SLC6A17: variants seen among roughly 807,000 people sequenced by gnomAD.
The protein encoded by SLC6A17 is solute carrier family 6 member 17.
SLC6A17 carries 21 observed loss-of-function variants against 64.5 expected under a neutral mutation model. The ratio of observed to expected loss-of-function variants is 0.33; its 90% CI spans 0.23 to 0.47. SLC6A17 has a LOEUF of 0.47. Ranked by LOEUF, SLC6A17 falls within the 20% of genes least tolerant of loss-of-function variation. SLC6A17 has a pLI of 1.00. For missense variants in SLC6A17, 682 were observed against 963.2 expected (o/e 0.71, Z 3.86); for synonymous variants, 372 against 399.5 (o/e 0.93, Z 0.82).
At chr1:110,183,018 C>T (rs11584494) in intron 6 of SLC6A17, among the ~76,000 whole-genome samples, 43,920 of 152,018 alleles carry the variant, frequency 0.29, 7,743 homozygotes, top group Non-Finnish European at 0.37. Flanking sequence ...TCATACACCA[C>T]TGGTGGGAAT....
Position 110,167,315 on chromosome 1 carries a change from T to A in SLC6A17, c.286+100T>A. 5 of 1,431,814 alleles carry A rather than the reference T, an allele frequency of 3.5e-6. No individual in the cohort carries two copies. The South Asian group carries it at 7.2e-5, about 21-fold the overall frequency. 88.7% of individuals were successfully genotyped at this position (1,431,814 alleles called of 1,614,324 possible). ...TTTGCTGAGGCAGAACTGGAGCCCT[T>A]GTAGGTTGGAGCTCAGGATTCCAGA... On this transcript the variant is annotated intron_variant, in intron 2 of 11. Transcript: ENST00000331565.
rs191731064 is a variant in SLC6A17 at position 110,175,727 on chromosome 1, G to A, written c.753+767G>A. Among the ~76,000 whole-genome samples the A allele has an allele frequency of 2.8e-4, 43 of 152,326 alleles. No individual in the cohort carries two copies. The East Asian group carries it at 7.9e-3, about 28-fold the overall frequency. On this transcript the variant is annotated intron_variant, in intron 5 of 11. Coordinates refer to ENST00000331565, the MANE Select transcript of SLC6A17 (RefSeq NM_001010898.4). ...TCGGGTTCTTTTCCAGATTTGATGA[G>A]CAAGGAAGCTAAGCTCTAGAAAGGT...
chr1:110,197,426 A>C lies in SLC6A17; in HGVS notation c.1653-11A>C. 6.2e-7 allele frequency: 1 copy of C among 1,607,234 alleles called. No homozygotes were observed. Among genetic ancestry groups the C allele is most frequent in the Non-Finnish European group, 8.5e-7 (1 of 1,177,084 alleles). On this transcript the variant is annotated splice_polypyrimidine_tract_variant and intron_variant, in intron 10 of 11. Transcript: ENST00000331565. ...GATGCCAACTGCTGGACCCTCTGCT[A>C]TGCCTGGCAGGTTCATGCAGGAGCT...
intron 1 of SLC6A17, among the ~76,000 whole-genome samples, chr1:110,157,993 C>T (rs375380514): frequency 5.3e-5 from 8 of 152,288 alleles, no homozygotes; most frequent in African/African-American, 1.9e-4. Context: ...GCTCCATCCC[C>T]TCATACTCTA....
rs946145848 is a variant in SLC6A17, at chr1:110,195,134, G to A, written c.1492+363G>A. ...GTTCCATCTTTGTCACTCCAGTCCC[G>A]GGCTGTGTCCACAGTTCCCTTCGGG... On this transcript the variant is annotated intron_variant, in intron 9 of 11. Coordinates refer to ENST00000331565, the MANE Select transcript of SLC6A17 (RefSeq NM_001010898.4). 9.5e-6 allele frequency: 4 copies of A among 421,042 alleles called. No homozygotes were observed. In the Admixed American group the frequency reaches 1.1e-4, roughly 11 times the overall value. The allele number at this position is 421,042 out of a possible 1,614,324, so 26.1% of individuals were successfully genotyped here.
Position 110,197,480 on chromosome 1 carries a change from C to T in SLC6A17, c.1696C>T (p.Arg566Cys), listed in dbSNP as rs1467204933. The change falls in exon 11 of 12, where the codon CGC becomes TGC. Residue 566 changes from arginine (R) to cysteine (C), a missense_variant. By Grantham distance (180) the Arg-to-Cys change is radical. This residue lies in a region of SLC6A17 where 264 missense variants were observed against 339.5 expected (regional missense o/e 0.78). Transcript: ENST00000331565. ...GGAGATGCTGGGCTTCCGCCCCTAC[C>T]GCTTCTATTTCTACATGTGGAAGTT... ...LTEMLGFRPY[R>C]FYFYMWKFVS... 3.1e-6 allele frequency: 5 copies of T among 1,613,512 alleles called. No individual in the cohort carries two copies. Among genetic ancestry groups the T allele is most frequent in the South Asian group, 1.1e-5 (1 of 91,068 alleles).
chr1:110,193,409 AC>A (rs1656881590), intron 8 of SLC6A17, among the ~76,000 whole-genome samples: 1 of 152,194 alleles, frequency 6.6e-6, no homozygotes, highest in Admixed American at 6.5e-5. Flanking sequence ...ATTTATACTT[AC>A]ATAGCTGGAC....
In SLC6A17 at chr1:110,198,168, C is replaced by G. The variant is rs778415102; in HGVS notation, c.1908C>G (p.Phe636Leu). The G allele has an allele frequency of 6.2e-7, 1 of 1,613,958 alleles. No individual in the cohort carries two copies. The highest frequency in any genetic ancestry group is 8.5e-7 in the Non-Finnish European group (1 of 1,179,986). Residue 636 changes from phenylalanine to leucine, a missense_variant, in exon 12 of 12, where the codon TTC becomes TTG. Around this residue, in one of 3 missense-constraint regions of SLC6A17, gnomAD observed 264 missense variants for 339.5 expected, o/e 0.78. Transcript: ENST00000331565. ...CGACGCTGCCCATCCCTGTGGTGTT[C>G]GTCCTGCGGCACTTCCACCTGCTCT... ...VVATLPIPVV[F>L]VLRHFHLLSD...
chr1:110,178,366 A>G (rs1656425716), intron 6 of SLC6A17, among the ~76,000 whole-genome samples: 1 of 152,210 alleles, frequency 6.6e-6, no homozygotes, highest in Non-Finnish European at 1.5e-5. Context: ...CAACACACAC[A>G]ATACTGCTCC....
chr1:110,162,197 G>A (rs961664150), intron 1 of SLC6A17, among the ~76,000 whole-genome samples: 1 of 152,226 alleles, frequency 6.6e-6, no homozygotes, highest in African/African-American at 2.4e-5. Flanking sequence ...TACTAAGGGG[G>A]GGATAATTAG....
At chr1:110,160,607 G>T (rs755719998) in intron 1 of SLC6A17, among the ~76,000 whole-genome samples, 3 of 152,224 alleles carry the variant, frequency 2.0e-5, no homozygotes, top group Non-Finnish European at 2.9e-5. Context: ...AGTGTAAAAG[G>T]GTGTTACAAG....
intron 1 of SLC6A17, among the ~76,000 whole-genome samples, chr1:110,162,651 G>A (rs1272101974): frequency 3.9e-5 from 6 of 152,168 alleles, no homozygotes. Context: ...GTACACTTTG[G>A]ATTCCCAGGC....
intron 8 of SLC6A17, among the ~76,000 whole-genome samples, chr1:110,194,075 G>C (rs557045028): frequency 6.6e-6 from 1 of 152,296 alleles, no homozygotes; most frequent in African/African-American, 2.4e-5. Flanking sequence ...CTGACACCCA[G>C]CTTCACCCCA....
At chr1:110,197,399 G>A (rs1174849492) in intron 10 of SLC6A17, 38 bp from the exon 11 acceptor site, 2 of 1,576,994 alleles carry the variant, frequency 1.3e-6, no homozygotes, top group Non-Finnish European at 8.6e-7. Flanking sequence ...GTGTGACTGA[G>A]GGATGCCAAC....
chr1:110,199,420 A>G lies in SLC6A17; in HGVS notation c.*976A>G, dbSNP rs535726810. ...CCCCTCCCTCCTCACCTGGGGTCCA[A>G]TGTTCTGTCTAGTGGCAGCTTTTCC... On this transcript the variant is annotated 3_prime_UTR_variant, in exon 12 of 12. Transcript: ENST00000331565. 9 of 152,510 alleles carry G rather than the reference A, an allele frequency of 5.9e-5. No individual in the cohort carries two copies. Among genetic ancestry groups the G allele is most frequent in the East Asian group, 1.9e-4 (1 of 5,186 alleles). 9.4% of individuals were successfully genotyped at this position (152,510 alleles called of 1,614,324 possible). A position where few individuals can be genotyped will look rare whatever the true frequency, so the allele number is the denominator to read the frequency against.
At chr1:110,190,416 G>A (rs1190848518) in intron 6 of SLC6A17, among the ~76,000 whole-genome samples, 1 of 152,100 alleles carries the variant, frequency 6.6e-6, no homozygotes. Flanking sequence ...TGGGGGTGCC[G>A]CCCTCAGCCT....
chr1:110,162,221 TGG>T (rs2101840160), intron 1 of SLC6A17, among the ~76,000 whole-genome samples: 2 of 152,378 alleles, frequency 1.3e-5, no homozygotes, highest in East Asian at 3.9e-4. Flanking sequence ...ACGGCTGGGC[TGG>T]CTGTCACCAC....
chr1:110,195,511 G>A, intron 9 of SLC6A17, 75 bp from the exon 10 acceptor site: 1 of 1,559,802 alleles, frequency 6.4e-7, no homozygotes, highest in African/African-American at 1.4e-5. Flanking sequence ...GGAGGGGCCT[G>A]GGTGCCCCCG....
chr1:110,172,415 C>T (rs555981292), intron 3 of SLC6A17, 198 bp downstream of exon 3: 9 of 681,252 alleles, frequency 1.3e-5, no homozygotes, highest in Admixed American at 3.1e-5. Flanking sequence ...GAGTCGACCA[C>T]GTTGCCTGAA....
Sources: allele counts gnomAD v4.1 joint callset (sites outside exome capture counted in the v4.1 genomes callset), GRCh38; gene constraint gnomAD v4.1.1; regional missense constraint gnomAD v4.1.1; transcripts MANE v1.5; gene names NCBI Gene and HGNC (gene_info 2026-07-23, HGNC 2026-07-21).